The following SLC17A8 variants were observed in gnomAD, a reference collection of about 807,000 sequenced individuals.
SLC17A8 encodes vesicular glutamate transporter 3.
In SLC17A8, 31 loss-of-function variants were observed where a neutral mutation model predicts 58.0. The ratio of observed to expected loss-of-function variants is 0.53; its 90% CI spans 0.40 to 0.72. The LOEUF is 0.72. SLC17A8 is among the 30% of genes least tolerant of loss of function. The pLI is 0.00. For missense variants in SLC17A8, 655 were observed against 727.8 expected, an observed-to-expected ratio of 0.90 and a Z score of 1.15; for synonymous variants, 228 against 249.0, an observed-to-expected ratio of 0.92 and a Z score of 0.79.
chr12:100,394,122 G>A (rs1952735508), intron 4 of SLC17A8, among the ~76,000 whole-genome samples: 1 of 152,006 alleles, frequency 6.6e-6, no homozygotes, highest in Admixed American at 6.6e-5. Flanking sequence ...ATTTTAAAAT[G>A]TAAAAAACAT....
rs540939573 is a variant in SLC17A8, at chr12:100,363,287, G to A, written c.101+5795G>A. ...GTTACTGGGAATGATGGCGAGTGGG[G>A]CCACTCCTTCTCTCATGCCTTGTTT... On this transcript the variant is annotated intron_variant, in intron 1 of 11. Coordinates refer to ENST00000323346, the MANE Select transcript of SLC17A8 (RefSeq NM_139319.3). 1.1e-4 allele frequency among the ~76,000 whole-genome samples: 16 copies of A among 152,294 alleles called. No individual in the cohort carries two copies. The South Asian group carries it at 3.1e-3, about 30-fold the overall frequency.
At position 100,389,804 on chromosome 12, in the gene SLC17A8, G is replaced by GTATTATTATTATTATTAT. The variant is rs144239177; in HGVS notation, c.355-1185_355-1168dup. ...CACACCACCACACCTGGCTAGATTT[G>GTATTATTATTATTATTAT]TATTATTATTATTATTATTATTATT... is the stretch of plus-strand genomic sequence containing the variant. On this transcript the variant is annotated intron_variant, in intron 2 of 11. Transcript: ENST00000323346. Among the ~76,000 whole-genome samples, 177 of 142,418 alleles carry GTATTATTATTATTATTAT rather than the reference G, an allele frequency of 1.2e-3. 1 individual carries two copies. Among genetic ancestry groups the GTATTATTATTATTATTAT allele is most frequent in the East Asian group, 2.7e-3 (13 of 4,836 alleles). 93.4% of individuals were successfully genotyped at this position (142,418 alleles called of 152,430 possible).
intron 10 of SLC17A8, among the ~76,000 whole-genome samples, chr12:100,414,887 G>C (rs186724369): frequency 3.9e-5 from 6 of 152,316 alleles, no homozygotes; most frequent in Admixed American, 3.9e-4. Context: ...CTGAGATTCT[G>C]CAGTTTTAGC....
At chr12:100,374,612 A>C (rs1952581721) in intron 1 of SLC17A8, among the ~76,000 whole-genome samples, 1 of 152,190 alleles carries the variant, frequency 6.6e-6, no homozygotes, top group Non-Finnish European at 1.5e-5. Flanking sequence ...ACTCCGTCTC[A>C]AAAAAATAAA....
chr12:100,377,585 A>ATTT (rs35397911), intron 1 of SLC17A8, among the ~76,000 whole-genome samples: 55 of 84,018 alleles, frequency 6.5e-4, no homozygotes, highest in East Asian at 1.9e-3. Flanking sequence ...ATATATATAT[A>ATTT]TTTTTTTTTT....
intron 1 of SLC17A8, among the ~76,000 whole-genome samples, chr12:100,362,429 C>T (rs1376694119): frequency 1.3e-5 from 2 of 151,838 alleles, no homozygotes; most frequent in African/African-American, 4.8e-5. Flanking sequence ...GGGGTCTCAC[C>T]ATGTTGATTA....
At chr12:100,401,654 C>T (rs987397777) in intron 5 of SLC17A8, 123 bp from the exon 6 acceptor site, 4 of 839,882 alleles carry the variant, frequency 4.8e-6, no homozygotes, top group South Asian at 1.4e-5. Context: ...CCTGTCTCTG[C>T]ACGGAGGCAG....
Position 100,419,979 on chromosome 12 carries a change from G to C in SLC17A8, c.1590G>C (p.Glu530Asp), listed in dbSNP as rs1400903951. Residue 530 changes from glutamate (E) to aspartate (D), a missense_variant, in exon 12 of 12, where the codon GAG (glutamate) becomes GAC (aspartate). Transcript: ENST00000323346. ...CGIIDQDELA[E>D]EIELNHESFA... is the part of the protein sequence containing the mutation. ...TCATTGACCAGGACGAATTAGCTGAGGAGATAGAACTCAACCATGAGAGTT... is the reference window on the plus strand; with the variant it reads ...TCATTGACCAGGACGAATTAGCTGACGAGATAGAACTCAACCATGAGAGTT... The C allele has an allele frequency of 1.2e-6, 2 of 1,614,084 alleles. No individual in the cohort carries two copies. The highest frequency in any genetic ancestry group is 8.5e-7 in the Non-Finnish European group (1 of 1,180,016).
intron 2 of SLC17A8, among the ~76,000 whole-genome samples, chr12:100,381,684 CT>C (rs1308489543): frequency 6.6e-6 from 1 of 152,122 alleles, no homozygotes; most frequent in Admixed American, 6.5e-5. Flanking sequence ...ACTAATGAAC[CT>C]TTGCCAAAGT....
intron 2 of SLC17A8, among the ~76,000 whole-genome samples, chr12:100,388,867 G>A (rs973979027): frequency 6.6e-6 from 1 of 152,034 alleles, no homozygotes; most frequent in South Asian, 2.1e-4. Context: ...ATGTTCCCAG[G>A]CGTTTGATTT....
chr12:100,394,457 G>A (rs369560273), intron 4 of SLC17A8, among the ~76,000 whole-genome samples: 22 of 146,590 alleles, frequency 1.5e-4, no homozygotes, highest in East Asian at 1.2e-3. Flanking sequence ...GCTGAAGTGC[G>A]GTGGCATGAT....
chr12:100,419,759 C>A, intron 11 of SLC17A8, 56 bp from the exon 12 acceptor site: 1 of 1,557,444 alleles, frequency 6.4e-7, no homozygotes, highest in Non-Finnish European at 8.8e-7. Flanking sequence ...CCAGGACATA[C>A]TGGTAATCTC....
chr12:100,368,203 A>T (rs985926177), intron 1 of SLC17A8, among the ~76,000 whole-genome samples: 10 of 152,194 alleles, frequency 6.6e-5, no homozygotes, highest in African/African-American at 2.4e-4. Context: ...GGCAGGGCCA[A>T]GCTCCTCCTG....
intron 9 of SLC17A8, chr12:100,410,708 T>A (rs371191904): frequency 6.6e-6 from 1 of 152,222 alleles, no homozygotes; most frequent in South Asian, 2.1e-4. Context: ...TGGTAAGAGG[T>A]CACGGGGCCT....
intron 1 of SLC17A8, among the ~76,000 whole-genome samples, chr12:100,358,850 A>C (rs1463929530): frequency 1.3e-5 from 2 of 152,210 alleles, no homozygotes; most frequent in African/African-American, 2.4e-5. Context: ...AGTCAAGAAT[A>C]AAAACCATAG....
intron 9 of SLC17A8, among the ~76,000 whole-genome samples, chr12:100,407,599 GTTTGT>G (rs71088182): frequency 4.7e-5 from 7 of 149,904 alleles, no homozygotes; most frequent in Non-Finnish European, 5.9e-5. Context: ...TTTTTTGTTT[GTTTGT>G]TTTGTTTTGT....
rs192726418 is a variant in SLC17A8, at chr12:100,418,546, G to A, written c.1425+390G>A. ...TCCATCCATTGCTTAGCATGTTTCA[G>A]CATAAAAAGATGAGTGCTATTCTAC... On this transcript the variant is annotated intron_variant, in intron 11 of 11. Coordinates refer to ENST00000323346, the MANE Select transcript of SLC17A8 (RefSeq NM_139319.3). Among the ~76,000 whole-genome samples, 263 of 152,270 alleles carry A rather than the reference G, an allele frequency of 1.7e-3. 1 individual carries two copies. Among genetic ancestry groups the A allele is most frequent in the Non-Finnish European group, 3.0e-3 (204 of 68,020 alleles).
chr12:100,380,644 C>T (rs1952628362), intron 1 of SLC17A8, 57 bp from the exon 2 acceptor site: 2 of 1,608,732 alleles, frequency 1.2e-6, no homozygotes, highest in African/African-American at 1.3e-5. Context: ...GCTTAGTATA[C>T]TTTCTTTTTC....
At chr12:100,395,491 A>G (rs904905732) in intron 4 of SLC17A8, among the ~76,000 whole-genome samples, 2 of 151,990 alleles carry the variant, frequency 1.3e-5, no homozygotes, top group African/African-American at 4.8e-5. Context: ...GCACCCGGCT[A>G]ATTTTTGTAT....
Sources: allele counts gnomAD v4.1 joint callset (sites outside exome capture counted in the v4.1 genomes callset), GRCh38; gene constraint gnomAD v4.1.1; transcripts MANE v1.5; gene names NCBI Gene and HGNC (gene_info 2026-07-23, HGNC 2026-07-21).